The following VASP variants were observed in gnomAD, a reference collection of about 807,000 sequenced individuals.
VASP encodes the protein vasodilator-stimulated phosphoprotein.
In VASP, 27 loss-of-function variants were observed where a neutral mutation model predicts 54.4. That is an observed-to-expected ratio of 0.50 (90% CI 0.37 to 0.68). VASP has a LOEUF of 0.68. VASP is among the 30% of genes least tolerant of loss of function. The probability of loss-of-function intolerance (pLI) is 0.00; values close to 1 mark genes in which losing one functional copy is unlikely to be tolerated. For synonymous variants in VASP, 233 were observed against 209.8 expected (o/e 1.11, Z -0.96); for missense variants, 488 against 528.3 (o/e 0.92, Z 0.75).
chr19:45,519,062 T>C (rs1419361061), intron 3 of VASP, among the ~76,000 whole-genome samples: 1 of 152,232 alleles, frequency 6.6e-6, no homozygotes, highest in Admixed American at 6.5e-5. Context: ...TTGCCCAGGC[T>C]GGAGTGCAGT....
At position 45,518,099 on chromosome 19, in the gene VASP, G is replaced by T. The variant is rs1306989186; in HGVS notation, c.343+5G>T. 6.8e-6 allele frequency: 11 copies of T among 1,612,068 alleles called. No individual in the cohort carries two copies. The highest frequency in any genetic ancestry group is 9.3e-6 in the Non-Finnish European group (11 of 1,179,112). ...GTGCCCTAGAGGCGTTGGAAGGTCAGAAATGGCGGCGGGCAAAGGGGACCA... is the reference window on the plus strand; with the variant it reads ...GTGCCCTAGAGGCGTTGGAAGGTCATAAATGGCGGCGGGCAAAGGGGACCA... On this transcript the variant is annotated splice_donor_5th_base_variant and intron_variant, in intron 3 of 12. Coordinates refer to ENST00000245932, the MANE Select transcript of VASP (RefSeq NM_003370.4).
In VASP at chr19:45,516,148, C is replaced by T. The variant is rs574701257; in HGVS notation, c.6-1515C>T. On this transcript the variant is annotated intron_variant, in intron 1 of 12. Coordinates refer to ENST00000245932, the MANE Select transcript of VASP (RefSeq NM_003370.4). The stretch of plus-strand genomic sequence containing the variant: ...CAGGGTACCCCCAGACCCTGGGCTC[C>T]TTGGTCCTAAACCTGGGTTGGTACC... Among the ~76,000 whole-genome samples the T allele has an allele frequency of 6.2e-4, 94 of 152,326 alleles. 1 individual carries two copies. The highest frequency in any genetic ancestry group is 3.4e-3 in the Middle Eastern group (1 of 294).
In VASP at chr19:45,526,527, T is replaced by G. The variant is rs1198017369; in HGVS notation, c.*350T>G. The G allele has an allele frequency of 1.5e-5, 3 of 203,134 alleles. No homozygotes were observed. Among genetic ancestry groups the G allele is most frequent in the African/African-American group, 6.9e-5 (3 of 43,284 alleles). The allele number at this position is 203,134 out of a possible 1,614,324, so 12.6% of individuals were successfully genotyped here. A position where few individuals can be genotyped will look rare whatever the true frequency, so the allele number is the denominator to read the frequency against. On this transcript the variant is annotated 3_prime_UTR_variant, in exon 13 of 13. Coordinates refer to ENST00000245932, the MANE Select transcript of VASP (RefSeq NM_003370.4). ...GTTCTAGATTCACTTTAACGCTTAATGCCTTCAAAGTTTTGGTTTTTTTAA... is the reference window on the plus strand; with the variant it reads ...GTTCTAGATTCACTTTAACGCTTAAGGCCTTCAAAGTTTTGGTTTTTTTAA...
intron 1 of VASP, among the ~76,000 whole-genome samples, chr19:45,513,120 G>A (rs1216195290): frequency 6.6e-6 from 1 of 152,192 alleles, no homozygotes; most frequent in Non-Finnish European, 1.5e-5. Context: ...GAGCGTCAGA[G>A]CCTATCCCAT....
chr19:45,524,077 G>A lies in VASP; in HGVS notation c.911-20G>A, dbSNP rs758147643. The A allele has an allele frequency of 2.5e-6, 4 of 1,614,050 alleles. No homozygotes were observed. The highest frequency in any genetic ancestry group is 1.7e-5 in the Admixed American group (1 of 59,994). Reference sequence around the variant, plus strand: ...GCAGTCTTTTGTCCCTGATCTTTCTGATTTCTTGCCTATCCCCAGAATCTG... The same window carrying A: ...GCAGTCTTTTGTCCCTGATCTTTCTAATTTCTTGCCTATCCCCAGAATCTG... On this transcript the variant is annotated intron_variant, in intron 9 of 12. Transcript: ENST00000245932.
chr19:45,519,635 C>T (rs1968783646), intron 3 of VASP, among the ~76,000 whole-genome samples: 2 of 132,622 alleles, frequency 1.5e-5, no homozygotes, highest in South Asian at 5.1e-4. Flanking sequence ...CTCGCTCTGT[C>T]CCCAGGTTGG....
At position 45,526,331 on chromosome 19, in the gene VASP, G is replaced by GAGCAGGGAA; in HGVS notation, c.*154_*155insAGCAGGGAA. The GAGCAGGGAA allele has an allele frequency of 1.1e-6, 1 of 934,850 alleles. No homozygotes were observed. The allele number at this position is 934,850 out of a possible 1,614,324, so 57.9% of individuals were successfully genotyped here. On this transcript the variant is annotated 3_prime_UTR_variant, in exon 13 of 13. Transcript: ENST00000245932. ...CACTTGGAAAACTCCAAGGGGGTGTGGCTTCCCTGCTCACACCCACACTGG... is the reference window on the plus strand; with the variant it reads ...CACTTGGAAAACTCCAAGGGGGTGTGAGCAGGGAAGCTTCCCTGCTCACACCCACACTGG...
intron 7 of VASP, among the ~76,000 whole-genome samples, chr19:45,523,336 G>T (rs564083281): frequency 6.6e-6 from 1 of 150,800 alleles, no homozygotes; most frequent in South Asian, 2.1e-4. Flanking sequence ...CTAAGTAGCC[G>T]GGATTACAGG....
chr19:45,507,815 C>A lies in VASP; in HGVS notation c.5+39C>A. 1.5e-6 allele frequency: 2 copies of A among 1,325,346 alleles called. No individual in the cohort carries two copies. Among genetic ancestry groups the A allele is most frequent in the Non-Finnish European group, 9.6e-7 (1 of 1,037,836 alleles). 82.1% of individuals were successfully genotyped at this position (1,325,346 alleles called of 1,614,324 possible). ...GCCCCCCGACCCGTCCCCGCCCGGG[C>A]GGGCTCCGCGCCCCGCCTTTGTCCC... is the stretch of plus-strand genomic sequence containing the variant. On this transcript the variant is annotated intron_variant, in intron 1 of 12. Coordinates refer to ENST00000245932, the MANE Select transcript of VASP (RefSeq NM_003370.4). The surrounding 1 kb of genome is among the most constrained non-coding windows in gnomAD (Gnocchi z 4.4).
At chr19:45,521,031 A>G (rs574081230) in intron 3 of VASP, among the ~76,000 whole-genome samples, 2 of 152,330 alleles carry the variant, frequency 1.3e-5, no homozygotes, top group East Asian at 1.9e-4. Flanking sequence ...TTGTTCCTGC[A>G]CATTCCACCC....
rs1395085109 is a variant in VASP, at chr19:45,525,701, AAAAAAG to A, written c.1048-232_1048-227del. ...TGACAGGGAGACTCTGTTTCAAAAA[AAAAAAG>A]AAAAAGAAAAAGTTACCTGATTGTG... On this transcript the variant is annotated intron_variant, in intron 11 of 12. Coordinates refer to ENST00000245932, the MANE Select transcript of VASP (RefSeq NM_003370.4). 2.4e-3 allele frequency: 997 copies of A among 407,414 alleles called. 1 individual carries two copies. Among genetic ancestry groups the A allele is most frequent in the Admixed American group, 4.7e-3 (108 of 23,190 alleles). 25.2% of individuals were successfully genotyped at this position (407,414 alleles called of 1,614,324 possible). A position where few individuals can be genotyped will look rare whatever the true frequency, so the allele number is the denominator to read the frequency against.
chr19:45,524,795 G>A (rs1280381391), intron 11 of VASP, 135 bp downstream of exon 11: 2 of 849,748 alleles, frequency 2.4e-6, no homozygotes, highest in East Asian at 5.5e-5. Flanking sequence ...AAACTGGATT[G>A]GGTCAAGGAT....
chr19:45,520,482 C>T (rs1044886236), intron 3 of VASP, among the ~76,000 whole-genome samples: 1 of 152,180 alleles, frequency 6.6e-6, no homozygotes, highest in South Asian at 2.1e-4. Flanking sequence ...GGGGCTTGCT[C>T]CTCTGGGGCA....
At chr19:45,517,153 T>A (rs537161768) in intron 1 of VASP, among the ~76,000 whole-genome samples, 9 of 149,988 alleles carry the variant, frequency 6.0e-5, no homozygotes, top group South Asian at 4.2e-4. Flanking sequence ...AAAATAAAAA[T>A]AATAATAATA....
At chr19:45,517,493 C>A (rs569665152) in intron 1 of VASP, among the ~76,000 whole-genome samples, 170 bp from the exon 2 acceptor site, 1 of 152,054 alleles carries the variant, frequency 6.6e-6, no homozygotes, top group African/African-American at 2.4e-5. Flanking sequence ...CTCTCCTGAT[C>A]TGATTTTCTC....
chr19:45,513,560 C>G (rs73568930), intron 1 of VASP, among the ~76,000 whole-genome samples: 2 of 149,410 alleles, frequency 1.3e-5, no homozygotes, highest in Non-Finnish European at 3.0e-5. Flanking sequence ...CAACTGCCTC[C>G]TGGGTTCAGT....
intron 1 of VASP, among the ~76,000 whole-genome samples, chr19:45,511,878 C>T (rs1022972147): frequency 6.6e-6 from 1 of 152,234 alleles, no homozygotes; most frequent in African/African-American, 2.4e-5. Context: ...AGGCAGATCA[C>T]CTGAGGTCAG....
At chr19:45,517,562 ACT>A (rs1255869790) in intron 1 of VASP, 99 bp from the exon 2 acceptor site, 3 of 1,469,690 alleles carry the variant, frequency 2.0e-6, no homozygotes, top group Non-Finnish European at 2.7e-6. Flanking sequence ...CCTCTGTGTC[ACT>A]CTCTTCCTTC....
intron 3 of VASP, among the ~76,000 whole-genome samples, chr19:45,519,762 A>AATG (rs376831021): frequency 6.7e-6 from 1 of 148,846 alleles, no homozygotes; most frequent in African/African-American, 2.5e-5. Flanking sequence ...CATCCAGCTA[A>AATG]TTTTTTGTAT....
Sources: allele counts gnomAD v4.1 joint callset (sites outside exome capture counted in the v4.1 genomes callset), GRCh38; gene constraint gnomAD v4.1.1; non-coding constraint Gnocchi (gnomAD v3.1); transcripts MANE v1.5; gene names NCBI Gene and HGNC (gene_info 2026-07-23, HGNC 2026-07-21).